CAD: variants seen among roughly 807,000 people sequenced by gnomAD.
The protein encoded by CAD is carbamoyl-phosphate synthetase 2, aspartate transcarbamylase, and dihydroorotase.
In CAD, 81 loss-of-function variants were observed where a neutral mutation model predicts 237.2. The ratio of observed to expected loss-of-function variants is 0.34; its 90% CI spans 0.29 to 0.41. The LOEUF (loss-of-function observed/expected upper bound fraction) is 0.41, where lower values mean the gene tolerates loss of function less well. Ranked by LOEUF, CAD falls within the 10% of genes least tolerant of loss-of-function variation. The probability of loss-of-function intolerance (pLI) is 1.00; values close to 1 mark genes in which losing one functional copy is unlikely to be tolerated. For missense variants in CAD, 2,181 were observed against 2,951.7 expected, an observed-to-expected ratio of 0.74 and a Z score of 6.05; for synonymous variants, 1,196 against 1,162.8, an observed-to-expected ratio of 1.03 and a Z score of -0.58.
chr2:27,235,310 T>G lies in CAD; in HGVS notation c.3852T>G (p.Ser1284Arg). Residue 1284 changes from serine to arginine, a missense_variant, in exon 24 of 44, where the codon AGT becomes AGG. Transcript: ENST00000264705. The surrounding 1 kb of genome is among the most constrained non-coding windows in gnomAD (Gnocchi z 5.2). ...TGGTGTTGGGTGTGGAAATGACCAGTACTGGGGAGGTGGCCGGCTTTGGGG... is the reference window on the plus strand; with the variant it reads ...TGGTGTTGGGTGTGGAAATGACCAGGACTGGGGAGGTGGCCGGCTTTGGGG... ...ADVVLGVEMTSTGEVAGFGES... is the reference protein window; with the variant it reads ...ADVVLGVEMTRTGEVAGFGES... The G allele has an allele frequency of 6.2e-7, 1 of 1,613,962 alleles. No homozygotes were observed. The highest frequency in any genetic ancestry group is 8.5e-7 in the Non-Finnish European group (1 of 1,179,976).
intron 1 of CAD, 62 bp from the exon 2 acceptor site, chr2:27,217,815 A>G (rs2148050836): frequency 6.5e-7 from 1 of 1,529,202 alleles, no homozygotes; most frequent in South Asian, 1.3e-5. Flanking sequence ...GGGCGTGCTC[A>G]TCGCGCGGGG....
Position 27,224,845 on chromosome 2 carries a change from T to C in CAD, c.1355T>C (p.Phe452Ser). Residue 452 changes from phenylalanine (F) to serine (S), a missense_variant, in exon 10 of 44, where the codon TTT becomes TCT. This residue lies in a region of CAD where 174 missense variants were observed against 215.8 expected (regional missense o/e 0.81). Transcript: ENST00000264705. ...TSQGLADKVYFLPITPHYVTQ... is the reference protein window; with the variant it reads ...TSQGLADKVYSLPITPHYVTQ... ...CAGGGGCTGGCCGACAAGGTCTATT[T>C]TCTTCCCATAACACCTCATTATGTA... 1.9e-6 allele frequency: 3 copies of C among 1,614,220 alleles called. No individual in the cohort carries two copies.
Position 27,239,977 on chromosome 2 carries a change from A to T in CAD, c.5496+179A>T, listed in dbSNP as rs1269603431. On this transcript the variant is annotated intron_variant, in intron 34 of 43. Transcript: ENST00000264705. This position sits in a 1 kb window ranked among gnomAD's most constrained non-coding sequence, Gnocchi z 4.0. Reference sequence around the variant, plus strand: ...TGGGCCAGGCCAGATGTGGTGGCTCACACTTGTAATCCCAGCACTTTGGGA... The same window carrying T: ...TGGGCCAGGCCAGATGTGGTGGCTCTCACTTGTAATCCCAGCACTTTGGGA... 3 of 596,096 alleles carry T rather than the reference A, an allele frequency of 5.0e-6. No individual in the cohort carries two copies. In the Admixed American group the frequency reaches 1.0e-4, roughly 20 times the overall value. 36.9% of individuals were successfully genotyped at this position (596,096 alleles called of 1,614,324 possible). A position where few individuals can be genotyped will look rare whatever the true frequency, so the allele number is the denominator to read the frequency against.
At chr2:27,217,699 C>A in intron 1 of CAD, 66 bp downstream of exon 1, 1 of 1,454,630 alleles carries the variant, frequency 6.9e-7, no homozygotes, top group Non-Finnish European at 9.3e-7. Flanking sequence ...TCCCAACCTT[C>A]CCCGTCCAGA....
At position 27,217,371 on chromosome 2, in the gene CAD, T is replaced by A; in HGVS notation, c.-181T>A. The stretch of plus-strand genomic sequence containing the variant: ...GCCGCCTGTGTCCGCGCCGCCGCAG[T>A]CTCTGCTGCTGCCGCCAAGCGCGCC... On this transcript the variant is annotated 5_prime_UTR_variant, in exon 1 of 44. Coordinates refer to ENST00000264705, the MANE Select transcript of CAD (RefSeq NM_004341.5). The A allele has an allele frequency of 3.4e-6, 2 of 590,814 alleles. No individual in the cohort carries two copies. Among genetic ancestry groups the A allele is most frequent in the Non-Finnish European group, 6.0e-6 (2 of 334,662 alleles). 36.6% of individuals were successfully genotyped at this position (590,814 alleles called of 1,614,324 possible). A position where few individuals can be genotyped will look rare whatever the true frequency, so the allele number is the denominator to read the frequency against.
At chr2:27,231,171 A>G (rs1488746463) in intron 15 of CAD, among the ~76,000 whole-genome samples, 1 of 152,066 alleles carries the variant, frequency 6.6e-6, no homozygotes, top group Non-Finnish European at 1.5e-5. Flanking sequence ...ACTCCCGGCT[A>G]ATTTTTTTGT....
Position 27,240,775 on chromosome 2 carries a change from C to A in CAD, c.5594-136C>A. 8.6e-7 allele frequency: 1 copy of A among 1,167,670 alleles called. No individual in the cohort carries two copies. The highest frequency in any genetic ancestry group is 1.2e-6 in the Non-Finnish European group (1 of 807,164). 72.3% of individuals were successfully genotyped at this position (1,167,670 alleles called of 1,614,324 possible). A position where few individuals can be genotyped will look rare whatever the true frequency, so the allele number is the denominator to read the frequency against. ...CCCCAGAGCTGCTGCAGTCCCCTGC[C>A]CTCCCCTAACCTGCTATATTACTGT... On this transcript the variant is annotated intron_variant, in intron 35 of 43. Transcript: ENST00000264705. This position sits in a 1 kb window ranked among gnomAD's most constrained non-coding sequence, Gnocchi z 4.6.
At chr2:27,226,436 C>A in intron 13 of CAD, 89 bp from the exon 14 acceptor site, 2 of 1,559,436 alleles carry the variant, frequency 1.3e-6, no homozygotes, top group Non-Finnish European at 1.8e-6. Context: ...AAGCTGGAAT[C>A]TTCTTTACTA....
rs1675992939 is a variant in CAD, at chr2:27,236,192, C to G, written c.4075-92C>G. On this transcript the variant is annotated intron_variant, in intron 25 of 43. Transcript: ENST00000264705. This position sits in a 1 kb window ranked among gnomAD's most constrained non-coding sequence, Gnocchi z 4.1. ...CCCTATGGGTCCTCAGTCTCCTCAT[C>G]ATGGGCTCCTGGGCCAGCTCCTCTC... The G allele has an allele frequency of 3.3e-6, 5 of 1,531,924 alleles. No homozygotes were observed. The Admixed American group carries it at 9.6e-5, about 29-fold the overall frequency. The allele number at this position is 1,531,924 out of a possible 1,614,324, so 94.9% of individuals were successfully genotyped here. A position where few individuals can be genotyped will look rare whatever the true frequency, so the allele number is the denominator to read the frequency against.
In CAD at chr2:27,235,152, G is replaced by T; in HGVS notation, c.3787-93G>T. 1 of 1,193,430 alleles carries T rather than the reference G, an allele frequency of 8.4e-7. No homozygotes were observed. The highest frequency in any genetic ancestry group is 1.6e-5 in the South Asian group (1 of 64,000). The allele number at this position is 1,193,430 out of a possible 1,614,324, so 73.9% of individuals were successfully genotyped here. On this transcript the variant is annotated intron_variant, in intron 23 of 43. Coordinates refer to ENST00000264705, the MANE Select transcript of CAD (RefSeq NM_004341.5). This position sits in a 1 kb window ranked among gnomAD's most constrained non-coding sequence, Gnocchi z 5.2. Reference sequence around the variant, plus strand: ...GGCAGGCTGACCCTGCCATTCAGATGGGATCAAGCACAGGGTACTGTGTCC... The same window carrying T: ...GGCAGGCTGACCCTGCCATTCAGATTGGATCAAGCACAGGGTACTGTGTCC...
chr2:27,242,877 A>C lies in CAD; in HGVS notation c.6384A>C (p.Glu2128Asp). 6.2e-7 allele frequency: 1 copy of C among 1,614,098 alleles called. No individual in the cohort carries two copies. The change falls in exon 42 of 44, where the codon GAA becomes GAC. Residue 2128 changes from glutamate (E) to aspartate (D), a missense_variant. This residue lies in a region of CAD where 170 missense variants were observed against 212.1 expected (regional missense o/e 0.80). Transcript: ENST00000264705. This position sits in a 1 kb window ranked among gnomAD's most constrained non-coding sequence, Gnocchi z 6.4. ...TGGCTCTCCTCACCCTCCAGGAGGAATTCGAGAGCATTGAGGAGGCGCTGC... is the reference window on the plus strand; with the variant it reads ...TGGCTCTCCTCACCCTCCAGGAGGACTTCGAGAGCATTGAGGAGGCGCTGC... ...FVASRGTKQE[E>D]FESIEEALPD...
At position 27,232,547 on chromosome 2, in the gene CAD, T is replaced by C; in HGVS notation, c.2745T>C (p.Asn915=). The change falls in exon 18 of 44, where the codon AAT becomes AAC. Residue 915 remains asparagine, a synonymous_variant. Coordinates refer to ENST00000264705, the MANE Select transcript of CAD (RefSeq NM_004341.5). This position sits in a 1 kb window ranked among gnomAD's most constrained non-coding sequence, Gnocchi z 4.1. The part of the protein sequence containing the change: ...TVAAEWPAQT[N]YLYLTYWGTT... Reference sequence around the variant, plus strand: ...CAGCTGAGTGGCCAGCCCAGACAAATTACCTATACCTAACGTATTGGGGCA... The same window carrying C: ...CAGCTGAGTGGCCAGCCCAGACAAACTACCTATACCTAACGTATTGGGGCA... 6.2e-7 allele frequency: 1 copy of C among 1,614,136 alleles called. No individual in the cohort carries two copies. Among genetic ancestry groups the C allele is most frequent in the South Asian group, 1.1e-5 (1 of 91,072 alleles).
In CAD at chr2:27,243,732, AAACCTGTACAGTCATTT is replaced by A; in HGVS notation, c.*215_*231del. ...TGCCCCATCTTCATTCCTGCACCTT[AAACCTGTACAGTCATTT>A]TTCTACTGACTTAATAAACAGCCGA... On this transcript the variant is annotated 3_prime_UTR_variant, in exon 44 of 44. Coordinates refer to ENST00000264705, the MANE Select transcript of CAD (RefSeq NM_004341.5). 1 of 577,062 alleles carries A rather than the reference AAACCTGTACAGTCATTT, an allele frequency of 1.7e-6. No homozygotes were observed. The highest frequency in any genetic ancestry group is 3.1e-6 in the Non-Finnish European group (1 of 323,834). 35.7% of individuals were successfully genotyped at this position (577,062 alleles called of 1,614,324 possible).
At position 27,238,131 on chromosome 2, in the gene CAD, G is replaced by A. The variant is rs1164754740; in HGVS notation, c.4804G>A (p.Val1602Met). The A allele has an allele frequency of 6.2e-7, 1 of 1,614,208 alleles. No homozygotes were observed. The highest frequency in any genetic ancestry group is 1.7e-5 in the Admixed American group (1 of 60,032). ...EQQTVAAVLM[V>M]AQLTQRSVHI... ...GCAAACCGTGGCTGCTGTCCTCATG[G>A]TGGCTCAGCTCACTCAGCGCTCAGT... Residue 1602 changes from valine (V) to methionine (M), a missense_variant, in exon 30 of 44, where the codon GTG becomes ATG. Physicochemically the swap from Val to Met is conservative, Grantham distance 21. This residue lies in a region of CAD where 478 missense variants were observed against 515.0 expected (regional missense o/e 0.93). Transcript: ENST00000264705.
Position 27,233,009 on chromosome 2 carries a change from G to GAC in CAD, c.2893-32_2893-31dup, listed in dbSNP as rs1558537414. On this transcript the variant is annotated intron_variant, in intron 18 of 43. Transcript: ENST00000264705. The surrounding 1 kb of genome is among the most constrained non-coding windows in gnomAD (Gnocchi z 6.3). Reference sequence around the variant, plus strand: ...TTTCTCCACGATTTTCCTCCCACCTGACTGCTAAGTACCCTTCCCCTCCCT... The same window carrying GAC: ...TTTCTCCACGATTTTCCTCCCACCTGACACTGCTAAGTACCCTTCCCCTCCCT... The GAC allele has an allele frequency of 2.1e-6, 3 of 1,401,272 alleles. No individual in the cohort carries two copies. The Admixed American group carries it at 5.0e-5, about 23-fold the overall frequency. 86.8% of individuals were successfully genotyped at this position (1,401,272 alleles called of 1,614,324 possible).
rs1675889366 is a variant in CAD at position 27,234,012 on chromosome 2, T to C, written c.3404T>C (p.Ile1135Thr). 1.2e-6 allele frequency: 2 copies of C among 1,613,762 alleles called. No homozygotes were observed. Among genetic ancestry groups the C allele is most frequent in the Admixed American group, 1.7e-5 (1 of 59,958 alleles). ...ISKFIQEAKEIDVDAVASDGV... is the reference protein window; with the variant it reads ...ISKFIQEAKETDVDAVASDGV... ...CTGTCTGTGTCCCCCCGCTAGGAGA[T>C]TGACGTGGATGCCGTGGCCTCTGAT... Residue 1135 changes from isoleucine to threonine, a missense_variant, in exon 22 of 44, where the codon ATT becomes ACT. Transcript: ENST00000264705.
intron 2 of CAD, among the ~76,000 whole-genome samples, chr2:27,220,420 G>T (rs796675443): frequency 2.0e-5 from 3 of 152,114 alleles, no homozygotes; most frequent in African/African-American, 4.8e-5. Context: ...AGGCTGAGGT[G>T]GGGGGATCGC....
chr2:27,230,738 A>T (rs1306848345), intron 15 of CAD, among the ~76,000 whole-genome samples: 1 of 152,156 alleles, frequency 6.6e-6, no homozygotes, highest in South Asian at 2.1e-4. Context: ...TCATCTTCCT[A>T]TTATCTACAC....
rs547862100 is a variant in CAD at position 27,241,703 on chromosome 2, T to G, written c.5884-208T>G. 2.6e-5 allele frequency among the ~76,000 whole-genome samples: 4 copies of G among 152,290 alleles called. No individual in the cohort carries two copies. Among genetic ancestry groups the G allele is most frequent in the African/African-American group, 9.6e-5 (4 of 41,560 alleles). ...TTTCCCAGCTCGTTCAGACACTTAA[T>G]GATGGGTGGTTTTCTGGAGGCAGAG... On this transcript the variant is annotated intron_variant, in intron 38 of 43. Transcript: ENST00000264705. The surrounding 1 kb of genome is among the most constrained non-coding windows in gnomAD (Gnocchi z 4.6).
Sources: gnomAD v4.1 joint callset for allele counts (sites outside exome capture counted in the v4.1 genomes callset) on GRCh38, gnomAD v4.1.1 for gene constraint, gnomAD v4.1.1 regional missense constraint, Gnocchi (gnomAD v3.1) non-coding constraint, MANE v1.5 for transcripts, NCBI Gene and HGNC (gene_info 2026-07-23, HGNC 2026-07-21) for gene names.